COBL: variants seen among roughly 807,000 people sequenced by gnomAD.
COBL encodes the protein protein cordon-bleu.
In COBL, 51 loss-of-function variants were observed where a neutral mutation model predicts 98.8. The ratio of observed to expected loss-of-function variants is 0.52; its 90% CI spans 0.41 to 0.65. COBL has a LOEUF of 0.65. COBL is among the 30% of genes least tolerant of loss of function. The pLI, the probability that COBL is intolerant of heterozygous loss-of-function variation, is 0.00. For missense variants in COBL, 1,617 were observed against 1,617.5 expected (o/e 1.00, Z 0.01); for synonymous variants, 634 against 651.7 (o/e 0.97, Z 0.41).
chr7:51,192,756 GT>G (rs964410798), intron 3 of COBL, among the ~76,000 whole-genome samples: 4 of 152,074 alleles, frequency 2.6e-5, no homozygotes, highest in African/African-American at 7.2e-5. Flanking sequence ...TTTCAAAAAA[GT>G]TTTTTTCCCT....
chr7:51,023,299 T>G (rs1013955833), intron 12 of COBL, among the ~76,000 whole-genome samples: 1 of 152,166 alleles, frequency 6.6e-6, no homozygotes, highest in Non-Finnish European at 1.5e-5. Flanking sequence ...CAAAGAGCCT[T>G]AAGTAATTTC....
intron 1 of COBL, among the ~76,000 whole-genome samples, chr7:51,272,826 T>C (rs1018280333): frequency 5.9e-5 from 9 of 152,164 alleles, no homozygotes; most frequent in African/African-American, 2.2e-4. Context: ...CTAAGACATG[T>C]AATTCACAAT....
At chr7:51,132,908 C>T (rs1403237923) in intron 6 of COBL, among the ~76,000 whole-genome samples, 3 of 152,114 alleles carry the variant, frequency 2.0e-5, no homozygotes, top group Admixed American at 6.5e-5. Context: ...ATGGGGATGG[C>T]ACCAAGCCAT....
chr7:51,098,398 T>A (rs1177928193), intron 6 of COBL, among the ~76,000 whole-genome samples: 1 of 152,014 alleles, frequency 6.6e-6, no homozygotes, highest in African/African-American at 2.4e-5. Context: ...GAAAACAGTA[T>A]GGTACTGACA....
At chr7:51,306,767 A>C (rs1037290843) in intron 1 of COBL, among the ~76,000 whole-genome samples, 1 of 152,168 alleles carries the variant, frequency 6.6e-6, no homozygotes, top group Non-Finnish European at 1.5e-5. Flanking sequence ...GTTCTGTCAC[A>C]ATCAAACAGG....
intron 4 of COBL, among the ~76,000 whole-genome samples, chr7:51,189,319 T>C (rs1456253927): frequency 2.6e-5 from 4 of 152,082 alleles, no homozygotes; most frequent in African/African-American, 9.7e-5. Flanking sequence ...TGATCATGGA[T>C]TTCACAATAA....
intron 5 of COBL, among the ~76,000 whole-genome samples, chr7:51,148,306 C>A (rs1785236214): frequency 6.6e-6 from 1 of 152,170 alleles, no homozygotes; most frequent in African/African-American, 2.4e-5. Context: ...CTCGCTTTGT[C>A]TTTCTCTCAC....
intron 2 of COBL, among the ~76,000 whole-genome samples, chr7:51,202,030 T>A (rs1791177279): frequency 6.6e-6 from 1 of 152,212 alleles, no homozygotes; most frequent in African/African-American, 2.4e-5. Context: ...AGTCACTTCA[T>A]GGCCATCTCC....
intron 1 of COBL, among the ~76,000 whole-genome samples, chr7:51,295,761 T>A (rs1258908540): frequency 1.3e-5 from 2 of 152,212 alleles, no homozygotes; most frequent in South Asian, 2.1e-4. Context: ...TAATCTCAAC[T>A]TTCTTGTTAA....
intron 2 of COBL, among the ~76,000 whole-genome samples, chr7:51,200,207 C>T (rs1209702085): frequency 6.6e-6 from 1 of 152,188 alleles, no homozygotes; most frequent in Non-Finnish European, 1.5e-5. Context: ...AAGTCTTCCC[C>T]TGTCAAAACT....
chr7:51,276,402 T>G (rs1457549676), intron 1 of COBL, among the ~76,000 whole-genome samples: 2 of 152,210 alleles, frequency 1.3e-5, no homozygotes, highest in African/African-American at 4.8e-5. Flanking sequence ...GGAGTCACCC[T>G]GTGGAAGCTC....
intron 1 of COBL, among the ~76,000 whole-genome samples, chr7:51,224,713 T>C (rs1001382271): frequency 1.3e-5 from 2 of 152,096 alleles, no homozygotes; most frequent in African/African-American, 4.8e-5. Context: ...TGGACGGCAA[T>C]GGCGCAATCT....
At chr7:51,050,164 C>T (rs772723914) in intron 7 of COBL, among the ~76,000 whole-genome samples, 1 of 152,148 alleles carries the variant, frequency 6.6e-6, no homozygotes, top group Non-Finnish European at 1.5e-5. Flanking sequence ...TTCAAGAAGG[C>T]AAGATAATGA....
rs561318787 is a variant in COBL at position 51,078,947 on chromosome 7, G to A, written c.1096+6219C>T. Among the ~76,000 whole-genome samples the A allele has an allele frequency of 1.2e-4, 18 of 152,368 alleles. No homozygotes were observed. The South Asian group carries it at 2.5e-3, about 21-fold the overall frequency. On this transcript the variant is annotated intron_variant, in intron 7 of 12. Coordinates refer to ENST00000265136, the MANE Select transcript of COBL (RefSeq NM_015198.5). ...CTTTCCTCAGAGTGAGCAAGTGAGC[G>A]AGGGTGCCCAAGATGGAGACCACAG...
intron 12 of COBL, among the ~76,000 whole-genome samples, chr7:51,019,927 G>GT (rs1204479061): frequency 5.9e-5 from 9 of 152,164 alleles, no homozygotes; most frequent in Admixed American, 5.9e-4. Context: ...GAGTTGGTGT[G>GT]TTTTTTCTCT....
intron 8 of COBL, chr7:51,034,416 T>C (rs142901895): frequency 0.012 from 1,772 of 152,370 alleles, 14 homozygotes; most frequent in Middle Eastern, 0.024. Flanking sequence ...TGCTCTTCTT[T>C]TGATGCAAAA....
intron 5 of COBL, 105 bp downstream of exon 5, chr7:51,183,997 T>C (rs1276117615): frequency 1.8e-6 from 1 of 551,142 alleles, no homozygotes; most frequent in Non-Finnish European, 3.2e-6. Context: ...TTAGTATTCT[T>C]AAATAGAATT....
In COBL at chr7:51,156,906, C is replaced by A. The variant is rs368949410; in HGVS notation, c.784-20575G>T. ...CTGGATTCCCCTCTCAGAGAGGGAG[C>A]CACACAGCTGCATCCGCAGCTTAGC... is the stretch of plus-strand genomic sequence containing the variant. On this transcript the variant is annotated intron_variant, in intron 5 of 12. Coordinates refer to ENST00000265136, the MANE Select transcript of COBL (RefSeq NM_015198.5). Among the ~76,000 whole-genome samples the A allele has an allele frequency of 1.6e-4, 24 of 152,298 alleles. No individual in the cohort carries two copies. The East Asian group carries it at 4.3e-3, about 27-fold the overall frequency.
At chr7:51,064,433 A>T (rs1264607314) in intron 7 of COBL, 1 of 152,158 alleles carries the variant, frequency 6.6e-6, no homozygotes, top group Admixed American at 6.5e-5. Flanking sequence ...CACAATAACC[A>T]TGAAGCGGGA....
Sources: allele counts gnomAD v4.1 joint callset (sites outside exome capture counted in the v4.1 genomes callset), GRCh38; gene constraint gnomAD v4.1.1; transcripts MANE v1.5; gene names NCBI Gene and HGNC (gene_info 2026-07-23, HGNC 2026-07-21).